Variants in ZNF160 observed in about 807,000 individuals in gnomAD.
ZNF160 encodes zinc finger protein 160.
Under a neutral mutation model 13.1 loss-of-function variants are expected in ZNF160, and 9 were observed. The ratio of observed to expected loss-of-function variants is 0.69; its 90% CI spans 0.41 to 1.20. ZNF160 has a LOEUF of 1.20. ZNF160 is among the 50% of genes most tolerant of loss of function. ZNF160 has a pLI of 0.01. For missense variants in ZNF160, 838 were observed against 988.0 expected, an observed-to-expected ratio of 0.85 and a Z score of 2.04; for synonymous variants, 293 against 333.2, an observed-to-expected ratio of 0.88 and a Z score of 1.31.
chr19:53,078,814 T>C (rs932159033), intron 3 of ZNF160, among the ~76,000 whole-genome samples: 12 of 137,218 alleles, frequency 8.7e-5, no homozygotes, highest in African/African-American at 3.3e-4. Flanking sequence ...AAAAAAAAAA[T>C]CCTAGAACAA....
chr19:53,073,130 C>T, intron 5 of ZNF160: 1 of 1,296,800 alleles, frequency 7.7e-7, no homozygotes, highest in Non-Finnish European at 1.0e-6. Context: ...TCCCTATTCC[C>T]TCCAGTCCCC....
At chr19:53,103,032 G>C (rs1568515053) in intron 1 of ZNF160, among the ~76,000 whole-genome samples, 1 of 152,218 alleles carries the variant, frequency 6.6e-6, no homozygotes, top group African/African-American at 2.4e-5. Context: ...GGGCCGACGA[G>C]AGCGAGGCTG....
intron 2 of ZNF160, among the ~76,000 whole-genome samples, chr19:53,089,082 G>A (rs931183793): frequency 2.6e-5 from 4 of 152,162 alleles, no homozygotes; most frequent in Non-Finnish European, 4.4e-5. Context: ...GTGAATGACC[G>A]TGGCAAATTA....
intron 1 of ZNF160, among the ~76,000 whole-genome samples, chr19:53,101,749 G>C (rs1170293745): frequency 6.6e-6 from 1 of 152,120 alleles, no homozygotes; most frequent in Admixed American, 6.5e-5. Context: ...ACTGAATGAG[G>C]CAAGTCACTG....
At chr19:53,073,600 T>C in intron 5 of ZNF160, 2 of 1,430,686 alleles carry the variant, frequency 1.4e-6, no homozygotes, top group Non-Finnish European at 1.8e-6. Flanking sequence ...CCATATGGAC[T>C]AAGAACTGAG....
Position 53,075,082 on chromosome 19 carries a change from C to T in ZNF160, c.117G>A (p.Glu39=), listed in dbSNP as rs777541341. 1.1e-5 allele frequency: 17 copies of T among 1,614,066 alleles called. No homozygotes were observed. The East Asian group carries it at 3.6e-4, about 34-fold the overall frequency. ...QRILYRDVML[E]NYWNLVSLGL... Reference sequence around the variant, plus strand: ...CCAGAGAAACAAGGTTCCAGTAGTTCTCCAACATCACGTCCCTGTATAAGA... The same window carrying T: ...CCAGAGAAACAAGGTTCCAGTAGTTTTCCAACATCACGTCCCTGTATAAGA... Residue 39 remains glutamate, a synonymous_variant, in exon 4 of 6, where the codon GAG becomes GAA. Coordinates refer to ENST00000683776, the MANE Select transcript of ZNF160 (RefSeq NM_001322131.2).
chr19:53,095,764 A>G (rs933283541), intron 1 of ZNF160: 2 of 150,680 alleles, frequency 1.3e-5, no homozygotes, highest in African/African-American at 4.9e-5. Context: ...CTCCCGTGGA[A>G]TCCTAAGCAC....
At chr19:53,088,030 G>A (rs886410180) in intron 2 of ZNF160, among the ~76,000 whole-genome samples, 3 of 152,188 alleles carry the variant, frequency 2.0e-5, no homozygotes, top group Non-Finnish European at 4.4e-5. Flanking sequence ...GAAAGGCAGT[G>A]GGTGTGGACG....
rs994101551 is a variant in ZNF160, at chr19:53,070,249, T to G, written c.285A>C (p.Lys95Asn). The change falls in exon 6 of 6, where the codon AAA becomes AAC. Residue 95 changes from lysine (K) to asparagine (N), a missense_variant. Around this residue, in one of 3 missense-constraint regions of ZNF160, gnomAD observed 387 missense variants for 402.3 expected, o/e 0.96. Transcript: ENST00000683776. ...VKGVVTDIPP[K>N]CTIKDLLPKE... ...TTGGTAGCAAATCCTTGATTGTACA[T>G]TTAGGAGGGATATCTACAAGATATA... is the stretch of plus-strand genomic sequence containing the variant. 6 of 1,592,834 alleles carry G rather than the reference T, an allele frequency of 3.8e-6. No individual in the cohort carries two copies. In the African/African-American group the frequency reaches 8.1e-5, roughly 22 times the overall value.
Position 53,069,365 on chromosome 19 carries a change from A to G in ZNF160, c.1169T>C (p.Ile390Thr), listed in dbSNP as rs778094320. Residue 390 changes from isoleucine (I) to threonine (T), a missense_variant, in exon 6 of 6, where the codon ATT becomes ACT. This residue lies in a region of ZNF160 where 400 missense variants were observed against 538.9 expected (regional missense o/e 0.74). Coordinates refer to ENST00000683776, the MANE Select transcript of ZNF160 (RefSeq NM_001322131.2). This position sits in a 1 kb window ranked among gnomAD's most constrained non-coding sequence, Gnocchi z 4.4. ...QNSHLISHWR[I>T]HTGEKPYKCN... Reference sequence around the variant, plus strand: ...CTTGTAAGGTTTCTCTCCAGTGTGAATTCTCCAATGACTTATAAGGTGTGA... The same window carrying G: ...CTTGTAAGGTTTCTCTCCAGTGTGAGTTCTCCAATGACTTATAAGGTGTGA... 6.2e-7 allele frequency: 1 copy of G among 1,614,026 alleles called. No individual in the cohort carries two copies. The highest frequency in any genetic ancestry group is 8.5e-7 in the Non-Finnish European group (1 of 1,179,944).
chr19:53,081,594 T>C (rs1055613106), intron 3 of ZNF160, among the ~76,000 whole-genome samples: 5 of 151,280 alleles, frequency 3.3e-5, no homozygotes, highest in African/African-American at 9.7e-5. Context: ...TGGCTATTAC[T>C]AAAAAGTAAA....
rs765288313 is a variant in ZNF160 at position 53,068,965 on chromosome 19, A to G, written c.1569T>C (p.Ser523=). 8 of 1,609,026 alleles carry G rather than the reference A, an allele frequency of 5.0e-6. No individual in the cohort carries two copies. The South Asian group carries it at 8.8e-5, about 18-fold the overall frequency. ...AATGGATTGCCTGATGGGTAGTCAG[A>G]CTTGAACGAACACTGAAGGCTTTCC... ...ECGKAFSVRS[S]LTTHQAIHSG... is the part of the protein sequence containing the mutation. The change falls in exon 6 of 6, where the codon AGT becomes AGC. Residue 523 remains serine (S), a synonymous_variant. Coordinates refer to ENST00000683776, the MANE Select transcript of ZNF160 (RefSeq NM_001322131.2).
chr19:53,073,976 G>T (rs2084281938), intron 5 of ZNF160, among the ~76,000 whole-genome samples, 164 bp downstream of exon 5: 1 of 152,000 alleles, frequency 6.6e-6, no homozygotes, highest in Non-Finnish European at 1.5e-5. Flanking sequence ...TTTTAGTAGA[G>T]ATAGGGTTTC....
At chr19:53,073,906 C>A (rs2084279489) in intron 5 of ZNF160, among the ~76,000 whole-genome samples, 1 of 152,092 alleles carries the variant, frequency 6.6e-6, no homozygotes, top group Non-Finnish European at 1.5e-5. Context: ...TTGCCTCAGC[C>A]TCCTGAGTAG....
At chr19:53,089,366 G>A (rs1330237211) in intron 2 of ZNF160, among the ~76,000 whole-genome samples, 1 of 152,198 alleles carries the variant, frequency 6.6e-6, no homozygotes, top group Non-Finnish European at 1.5e-5. Flanking sequence ...TGTGTGGAGT[G>A]TTCACTATTA....
intron 4 of ZNF160, among the ~76,000 whole-genome samples, chr19:53,074,634 C>CACTCCAGCCCGGGCGACAGAGCGAG (rs1476480078): frequency 6.7e-6 from 1 of 149,138 alleles, no homozygotes; most frequent in East Asian, 2.0e-4. Flanking sequence ...CACGCCACTG[C>CACTCCAGCCCGGGCGACAGAGCGAG]ACTCCAGCCC....
At chr19:53,101,207 G>A (rs2085436019) in intron 1 of ZNF160, among the ~76,000 whole-genome samples, 2 of 152,102 alleles carry the variant, frequency 1.3e-5, no homozygotes. Flanking sequence ...TTGAACCCAG[G>A]AGACAGAGGT....
intron 1 of ZNF160, among the ~76,000 whole-genome samples, chr19:53,099,977 G>A (rs2085383755): frequency 6.6e-6 from 1 of 152,182 alleles, no homozygotes; most frequent in Non-Finnish European, 1.5e-5. Context: ...ACATACCTGG[G>A]CAAAAGAAAC....
intron 3 of ZNF160, among the ~76,000 whole-genome samples, chr19:53,084,162 G>A (rs2084741693): frequency 6.6e-6 from 1 of 152,106 alleles, no homozygotes. Context: ...GAGAGTTTCA[G>A]CCACTTTTAC....
Sources: allele counts gnomAD v4.1 joint callset (sites outside exome capture counted in the v4.1 genomes callset), GRCh38; gene constraint gnomAD v4.1.1; regional missense constraint gnomAD v4.1.1; non-coding constraint Gnocchi (gnomAD v3.1); transcripts MANE v1.5; gene names NCBI Gene and HGNC (gene_info 2026-07-23, HGNC 2026-07-21).